Variants in FRMD4B observed in about 807,000 individuals in gnomAD.
FRMD4B encodes the protein FERM domain containing 4B.
FRMD4B carries 74 observed loss-of-function variants against 141.5 expected under a neutral mutation model. The ratio of observed to expected loss-of-function variants is 0.52; its 90% CI spans 0.43 to 0.63. The LOEUF (loss-of-function observed/expected upper bound fraction) is 0.63, where lower values mean the gene tolerates loss of function less well. Ranked by LOEUF, FRMD4B falls within the 30% of genes least tolerant of loss-of-function variation. The pLI is 0.00. For missense variants in FRMD4B, 1,366 were observed against 1,253.4 expected (o/e 1.09, Z -1.36); for synonymous variants, 506 against 467.9 (o/e 1.08, Z -1.05).
intron 1 of FRMD4B, among the ~76,000 whole-genome samples, chr3:69,371,027 T>C (rs1703809661): frequency 6.6e-6 from 1 of 152,238 alleles, no homozygotes; most frequent in Non-Finnish European, 1.5e-5. Flanking sequence ...GAAATGAGCA[T>C]ATGAACAAAT....
chr3:69,429,022 G>A (rs1347208477), intron 2 of FRMD4B, among the ~76,000 whole-genome samples: 1 of 152,102 alleles, frequency 6.6e-6, no homozygotes, highest in Non-Finnish European at 1.5e-5. Flanking sequence ...CATGTGTCAG[G>A]ATTTCATAAT....
chr3:69,484,004 C>A (rs1299809417), intron 1 of FRMD4B, among the ~76,000 whole-genome samples: 1 of 152,136 alleles, frequency 6.6e-6, no homozygotes, highest in East Asian at 1.9e-4. Context: ...AAAATCACAG[C>A]AACTGCATTT....
At chr3:69,448,900 A>G (rs9835127) in intron 1 of FRMD4B, among the ~76,000 whole-genome samples, 53,941 of 151,972 alleles carry the variant, frequency 0.35, 9,948 homozygotes, top group African/African-American at 0.45. Context: ...TAATGCTCTA[A>G]CAAACTGGGG....
At chr3:69,491,579 C>T (rs1706301730) in intron 1 of FRMD4B, among the ~76,000 whole-genome samples, 1 of 151,902 alleles carries the variant, frequency 6.6e-6, no homozygotes, top group South Asian at 2.1e-4. Context: ...GCAAAAAGAA[C>T]AAAAAGAGAG....
At chr3:69,521,378 T>G (rs1292113644) in intron 1 of FRMD4B, among the ~76,000 whole-genome samples, 1 of 152,194 alleles carries the variant, frequency 6.6e-6, no homozygotes, top group African/African-American at 2.4e-5. Flanking sequence ...GTATCTCTCT[T>G]TCTTAATTGA....
chr3:69,460,321 G>A (rs1705690329), intron 1 of FRMD4B, among the ~76,000 whole-genome samples: 1 of 152,198 alleles, frequency 6.6e-6, no homozygotes, highest in Non-Finnish European at 1.5e-5. Flanking sequence ...ATGGTCAAGT[G>A]AAGAGGCTGA....
At chr3:69,279,821 T>A (rs948815883) in intron 5 of FRMD4B, among the ~76,000 whole-genome samples, 6 of 147,252 alleles carry the variant, frequency 4.1e-5, no homozygotes, top group African/African-American at 1.2e-4. Flanking sequence ...CCTTCCCACT[T>A]CTGCAGAAAA....
intron 11 of FRMD4B, among the ~76,000 whole-genome samples, chr3:69,202,928 G>A (rs1486118234): frequency 6.6e-6 from 1 of 151,880 alleles, no homozygotes; most frequent in Non-Finnish European, 1.5e-5. Flanking sequence ...ACAACAGGAG[G>A]AGAATATCTT....
rs140202368 is a variant in FRMD4B, at chr3:69,169,353, CTTTT to C, written c.*2504_*2507del. 7.2e-4 allele frequency among the ~76,000 whole-genome samples: 21 copies of C among 29,286 alleles called. 2 individuals are homozygous for C. The highest frequency in any genetic ancestry group is 2.9e-3 in the Non-Finnish European group (16 of 5,488). 19.2% of individuals were successfully genotyped at this position (29,286 alleles called of 152,430 possible). On this transcript the variant is annotated 3_prime_UTR_variant, in exon 23 of 23. Transcript: ENST00000398540. ...AGGATTGCTGAACTTCCATTTCTTT[CTTTT>C]TTTTTTTTTTTTTTTTTTCTTGAGA...
intron 1 of FRMD4B, among the ~76,000 whole-genome samples, chr3:69,385,527 C>CCCTCTGTTGCAAAGCAACAG (rs1361650951): frequency 6.6e-6 from 1 of 152,182 alleles, no homozygotes; most frequent in Non-Finnish European, 1.5e-5. Context: ...TTTCTGAAGA[C>CCCTCTGTTGCAAAGCAACAG]CCTCTGTTGC....
chr3:69,283,819 A>G (rs1324574587), intron 5 of FRMD4B, among the ~76,000 whole-genome samples: 1 of 152,178 alleles, frequency 6.6e-6, no homozygotes, highest in Non-Finnish European at 1.5e-5. Flanking sequence ...GAATCTCAGA[A>G]AAGAGGGCTG....
Position 69,249,207 on chromosome 3 carries a change from C to G in FRMD4B, c.581+19G>C. 1 of 1,507,520 alleles carries G rather than the reference C, an allele frequency of 6.6e-7. No homozygotes were observed. Among genetic ancestry groups the G allele is most frequent in the East Asian group, 2.3e-5 (1 of 43,948 alleles). 93.4% of individuals were successfully genotyped at this position (1,507,520 alleles called of 1,614,324 possible). Reference sequence around the variant, plus strand: ...TTAGGGTTATTTTGCATAGTAATATCAGAAAAGAAAAGCATTACCTGGTAT... The same window carrying G: ...TTAGGGTTATTTTGCATAGTAATATGAGAAAAGAAAAGCATTACCTGGTAT... On this transcript the variant is annotated intron_variant, in intron 7 of 22. Coordinates refer to ENST00000398540, the MANE Select transcript of FRMD4B (RefSeq NM_015123.3).
chr3:69,526,144 A>G (rs1700928639), intron 1 of FRMD4B, among the ~76,000 whole-genome samples: 1 of 152,108 alleles, frequency 6.6e-6, no homozygotes, highest in African/African-American at 2.4e-5. Flanking sequence ...TGCACCTACA[A>G]ATTATTAGAA....
At chr3:69,410,595 C>T (rs767057595) in intron 2 of FRMD4B, among the ~76,000 whole-genome samples, 2 of 151,120 alleles carry the variant, frequency 1.3e-5, no homozygotes, top group Non-Finnish European at 2.9e-5. Flanking sequence ...GGCCCAGAAA[C>T]GGCCATTGAG....
At chr3:69,313,589 A>G (rs1288762493) in intron 1 of FRMD4B, 72 bp from the exon 2 acceptor site, 2 of 909,328 alleles carry the variant, frequency 2.2e-6, no homozygotes, top group Admixed American at 4.3e-5. Context: ...TCGTTGTATC[A>G]TTTATTTTAT....
intron 5 of FRMD4B, among the ~76,000 whole-genome samples, chr3:69,269,492 T>C (rs1298909385): frequency 6.7e-6 from 1 of 149,854 alleles, no homozygotes; most frequent in African/African-American, 2.5e-5. Context: ...GCTGGACAGT[T>C]AGGAATCCCC....
chr3:69,235,549 C>T (rs973014693), intron 7 of FRMD4B, among the ~76,000 whole-genome samples: 1 of 151,886 alleles, frequency 6.6e-6, no homozygotes, highest in Non-Finnish European at 1.5e-5. Context: ...ATCCTAGCTA[C>T]TCAGGAGGCT....
intron 1 of FRMD4B, among the ~76,000 whole-genome samples, chr3:69,463,263 C>A (rs1323975484): frequency 2.6e-5 from 4 of 152,178 alleles, no homozygotes; most frequent in Non-Finnish European, 5.9e-5. Flanking sequence ...CCTAGAATAT[C>A]AAATAAATGA....
intron 1 of FRMD4B, among the ~76,000 whole-genome samples, chr3:69,333,401 G>C (rs1702444059): frequency 6.6e-6 from 1 of 152,178 alleles, no homozygotes; most frequent in African/African-American, 2.4e-5. Flanking sequence ...GGAGAAAAAA[G>C]ATATGAACCT....
Sources: allele counts gnomAD v4.1 joint callset (sites outside exome capture counted in the v4.1 genomes callset), GRCh38; gene constraint gnomAD v4.1.1; transcripts MANE v1.5; gene names NCBI Gene and HGNC (gene_info 2026-07-23, HGNC 2026-07-21).